The following MMS19 variants were observed in gnomAD, a reference collection of about 807,000 sequenced individuals.
MMS19 encodes MMS19 nucleotide excision repair protein homolog.
Under a neutral mutation model 129.8 loss-of-function variants are expected in MMS19, and 77 were observed. That is an observed-to-expected ratio of 0.59 (90% CI 0.49 to 0.72). MMS19 has a LOEUF of 0.72. MMS19 is among the 30% of genes least tolerant of loss of function. The pLI, the probability that MMS19 is intolerant of heterozygous loss-of-function variation, is 0.00. For missense variants in MMS19, 1,168 were observed against 1,266.3 expected, an observed-to-expected ratio of 0.92 and a Z score of 1.18; for synonymous variants, 491 against 502.8, an observed-to-expected ratio of 0.98 and a Z score of 0.31.
At chr10:97,480,052 G>T (rs2036471089) in intron 3 of MMS19, among the ~76,000 whole-genome samples, 1 of 152,140 alleles carries the variant, frequency 6.6e-6, no homozygotes, top group Non-Finnish European at 1.5e-5. Context: ...CCACCTTCCT[G>T]GCAACATGGC....
intron 2 of MMS19, among the ~76,000 whole-genome samples, chr10:97,481,461 A>G (rs932430453): frequency 6.6e-6 from 1 of 152,196 alleles, no homozygotes; most frequent in Non-Finnish European, 1.5e-5. Context: ...CAAGGAGAAT[A>G]CGTGTATTTC....
At chr10:97,461,773 C>G (rs1193605942) in intron 22 of MMS19, 55 bp downstream of exon 22, 2 of 1,569,404 alleles carry the variant, frequency 1.3e-6, no homozygotes, top group Non-Finnish European at 1.7e-6. Context: ...AAATTTCAGC[C>G]CGGAGTCACC....
Position 97,477,376 on chromosome 10 carries a change from A to T in MMS19, c.464T>A (p.Ile155Asn). The T allele has an allele frequency of 6.2e-7, 1 of 1,613,956 alleles. No homozygotes were observed. ...TTCCCGGGTTCGCATAAAATTGGTGATGATATTGTAGACTGTGTGTCGGTC... is the reference window on the plus strand; with the variant it reads ...TTCCCGGGTTCGCATAAAATTGGTGTTGATATTGTAGACTGTGTGTCGGTC... Reference protein sequence around the residue: ...QVDRHTVYNIITNFMRTREEE... With the variant: ...QVDRHTVYNINTNFMRTREEE... The change falls in exon 6 of 31, where the codon ATC becomes AAC. Residue 155 changes from isoleucine (I) to asparagine (N), a missense_variant. Physicochemically the swap from Ile to Asn is moderately radical, Grantham distance 149. Around this residue, in one of 3 missense-constraint regions of MMS19, gnomAD observed 329 missense variants for 328.6 expected, o/e 1.00. Transcript: ENST00000438925.
In MMS19 at chr10:97,461,506, C is replaced by G; in HGVS notation, c.2301G>C (p.Lys767Asn). 1 of 1,606,852 alleles carries G rather than the reference C, an allele frequency of 6.2e-7. No individual in the cohort carries two copies. The highest frequency in any genetic ancestry group is 8.5e-7 in the Non-Finnish European group (1 of 1,176,664). ...AAKCFAGLLNKHPAGQQLDEF... is the reference protein window; with the variant it reads ...AAKCFAGLLNNHPAGQQLDEF... ...GTCTGATCTCAGTACCTGCAGGGTG[C>G]TTGTTGAGGAGTCCTGCAAAGCACT... Residue 767 changes from lysine to asparagine, a missense_variant, in exon 23 of 31, where the codon AAG becomes AAC. By Grantham distance (94) the Lys-to-Asn change is moderately conservative. This residue lies in a region of MMS19 where 831 missense variants were observed against 910.8 expected (regional missense o/e 0.91). Transcript: ENST00000438925.
intron 18 of MMS19, 93 bp from the exon 19 acceptor site, chr10:97,464,106 G>A: frequency 8.6e-7 from 1 of 1,165,266 alleles, no homozygotes; most frequent in Non-Finnish European, 1.2e-6. Flanking sequence ...AAAGAAGAGT[G>A]ACTGAAGGGA....
intron 1 of MMS19, among the ~76,000 whole-genome samples, chr10:97,493,801 G>GGTC (rs1250133097): frequency 6.6e-6 from 1 of 152,178 alleles, no homozygotes; most frequent in Non-Finnish European, 1.5e-5. Flanking sequence ...GATCACCTGA[G>GGTC]GTCGGAAGTT....
chr10:97,473,998 G>A (rs529159247), intron 8 of MMS19, among the ~76,000 whole-genome samples: 1 of 151,916 alleles, frequency 6.6e-6, no homozygotes, highest in East Asian at 1.9e-4. Flanking sequence ...ACAACAATTA[G>A]TCGGGAGTAG....
At chr10:97,478,097 C>T (rs770365291) in intron 4 of MMS19, among the ~76,000 whole-genome samples, 168 bp from the exon 5 acceptor site, 125 of 152,352 alleles carry the variant, frequency 8.2e-4, no homozygotes, top group Non-Finnish European at 1.3e-3. Context: ...CTCTGCAGCT[C>T]TTTCCAGATG....
intron 1 of MMS19, among the ~76,000 whole-genome samples, chr10:97,488,500 T>C (rs1029873180): frequency 2.6e-5 from 4 of 152,220 alleles, no homozygotes; most frequent in South Asian, 2.1e-4. Context: ...CTCCTGAGGA[T>C]ACTAAAATCT....
chr10:97,492,844 G>A (rs1389318900), intron 1 of MMS19, among the ~76,000 whole-genome samples: 1 of 122,634 alleles, frequency 8.2e-6, no homozygotes. Flanking sequence ...GGGCAACAGA[G>A]CAAGACTTCA....
At position 97,459,279 on chromosome 10, in the gene MMS19, C is replaced by A. The variant is rs779692223; in HGVS notation, c.2908G>T (p.Val970Phe). Reference protein sequence around the residue: ...LNLSSSPSMAVRIAALQCMHA... With the variant: ...LNLSSSPSMAFRIAALQCMHA... ...ATGCACTGCAGTGCGGCGATCCGGA[C>A]AGCCTGGAACACAACCACAAGGAGG... The change falls in exon 29 of 31, where the codon GTC (valine) becomes TTC (phenylalanine). Residue 970 changes from valine (V) to phenylalanine (F), a missense_variant. Around this residue, in one of 3 missense-constraint regions of MMS19, gnomAD observed 831 missense variants for 910.8 expected, o/e 0.91. Transcript: ENST00000438925. 5 of 1,613,206 alleles carry A rather than the reference C, an allele frequency of 3.1e-6. No homozygotes were observed. Among genetic ancestry groups the A allele is most frequent in the African/African-American group, 2.7e-5 (2 of 74,882 alleles).
intron 13 of MMS19, 66 bp downstream of exon 13, chr10:97,468,186 A>G: frequency 6.9e-7 from 1 of 1,442,604 alleles, no homozygotes; most frequent in Non-Finnish European, 9.2e-7. Flanking sequence ...AACTTAGCTC[A>G]CTCTCTGAGA....
intron 3 of MMS19, among the ~76,000 whole-genome samples, chr10:97,478,688 A>G (rs1209686086): frequency 6.6e-6 from 1 of 152,236 alleles, no homozygotes; most frequent in Non-Finnish European, 1.5e-5. Context: ...AGGGTCAGAC[A>G]GTAAATATAG....
chr10:97,478,471 A>AGAAACAACT, intron 3 of MMS19, 82 bp from the exon 4 acceptor site: 2 of 1,017,104 alleles, frequency 2.0e-6, no homozygotes, highest in Non-Finnish European at 2.9e-6. Context: ...AGTCTATAAC[A>AGAAACAACT]GTTGTTTCTG....
At chr10:97,495,895 C>T (rs1445345213) in intron 1 of MMS19, among the ~76,000 whole-genome samples, 3 of 152,384 alleles carry the variant, frequency 2.0e-5, no homozygotes, top group African/African-American at 7.2e-5. Context: ...GATTCTCCAG[C>T]CTCAGCCTCC....
rs1284053574 is a variant in MMS19 at position 97,468,329 on chromosome 10, C to T, written c.1141G>A (p.Ala381Thr). Residue 381 changes from alanine (A) to threonine (T), a missense_variant, in exon 13 of 31, where the codon GCA becomes ACA. Coordinates refer to ENST00000438925, the MANE Select transcript of MMS19 (RefSeq NM_022362.5). ...SAKLLQAAAG[A>T]SARACDSVTS... ...ACAGAGTCACAGGCCCGGGCAGATGCACCTGCAGCTGCCTGCAACAGCTTG... is the reference window on the plus strand; with the variant it reads ...ACAGAGTCACAGGCCCGGGCAGATGTACCTGCAGCTGCCTGCAACAGCTTG... 3 of 1,612,748 alleles carry T rather than the reference C, an allele frequency of 1.9e-6. No homozygotes were observed. The South Asian group carries it at 3.3e-5, about 18-fold the overall frequency.
rs1412475021 is a variant in MMS19, at chr10:97,477,375, G to A, written c.465C>T (p.Ile155=). 1 of 1,613,982 alleles carries A rather than the reference G, an allele frequency of 6.2e-7. No individual in the cohort carries two copies. The change falls in exon 6 of 31, where the codon ATC becomes ATT. Residue 155 remains isoleucine (I), a synonymous_variant. Coordinates refer to ENST00000438925, the MANE Select transcript of MMS19 (RefSeq NM_022362.5). ...CTTCCCGGGTTCGCATAAAATTGGTGATGATATTGTAGACTGTGTGTCGGT... is the reference window on the plus strand; with the variant it reads ...CTTCCCGGGTTCGCATAAAATTGGTAATGATATTGTAGACTGTGTGTCGGT... The part of the protein sequence containing the change: ...QVDRHTVYNI[I]TNFMRTREEE...
At position 97,458,924 on chromosome 10, in the gene MMS19, A is replaced by AT. The variant is rs768865843; in HGVS notation, c.2965-25_2965-24insA. 12 of 1,610,834 alleles carry AT rather than the reference A, an allele frequency of 7.4e-6. No homozygotes were observed. In the African/African-American group the frequency reaches 1.5e-4, roughly 20 times the overall value. ...AGCTGTGGAGTCAGAGGATATAATCAACCTTGCTCATCCAAGGCAACTGAA... is the reference window on the plus strand; with the variant it reads ...AGCTGTGGAGTCAGAGGATATAATCATACCTTGCTCATCCAAGGCAACTGAA... On this transcript the variant is annotated intron_variant, in intron 29 of 30. Transcript: ENST00000438925.
At position 97,476,686 on chromosome 10, in the gene MMS19, G is replaced by T; in HGVS notation, c.681C>A (p.Thr227=). ...VTSCYFPIDF[T]PPPNDPHGIQ... ...AAACAATGAAGGTGCTACTTACAGG[G>T]GTAAAATCGATAGGGAAATAACAGG... The change falls in exon 8 of 31, where the codon ACC becomes ACA. Residue 227 remains threonine (T), a synonymous_variant. Coordinates refer to ENST00000438925, the MANE Select transcript of MMS19 (RefSeq NM_022362.5). The T allele has an allele frequency of 6.2e-7, 1 of 1,613,606 alleles. No individual in the cohort carries two copies. The highest frequency in any genetic ancestry group is 8.5e-7 in the Non-Finnish European group (1 of 1,179,696).
Sources: gnomAD v4.1 joint callset for allele counts (sites outside exome capture counted in the v4.1 genomes callset) on GRCh38, gnomAD v4.1.1 for gene constraint, gnomAD v4.1.1 regional missense constraint, MANE v1.5 for transcripts, NCBI Gene and HGNC (gene_info 2026-07-23, HGNC 2026-07-21) for gene names.